NAALADL2: variants seen among roughly 807,000 people sequenced by gnomAD.
NAALADL2 encodes the protein inactive N-acetylated-alpha-linked acidic dipeptidase-like protein 2.
A neutral mutation model predicts 87.2 loss-of-function variants in NAALADL2; 76 were observed. The ratio of observed to expected loss-of-function variants is 0.87; its 90% CI spans 0.72 to 1.05. The LOEUF is 1.05. Among genes scored for constraint, NAALADL2 ranks in the 50% least tolerant of loss-of-function variants. The pLI, the probability that NAALADL2 is intolerant of heterozygous loss-of-function variation, is 0.00. For missense variants in NAALADL2, 1,089 were observed against 945.8 expected, an observed-to-expected ratio of 1.15 and a Z score of -1.99; for synonymous variants, 354 against 331.0, an observed-to-expected ratio of 1.07 and a Z score of -0.75.
chr3:175,796,447 G>A (rs975902130), intron 13 of NAALADL2, among the ~76,000 whole-genome samples: 9 of 152,154 alleles, frequency 5.9e-5, no homozygotes, highest in African/African-American at 2.2e-4. Context: ...TATCAACAAA[G>A]TCTTAATTCT....
At chr3:175,004,624 CAG>C (rs1162292604) in intron 1 of NAALADL2, among the ~76,000 whole-genome samples, 1 of 151,910 alleles carries the variant, frequency 6.6e-6, no homozygotes, top group Admixed American at 6.6e-5. Context: ...TATATGAATT[CAG>C]AGTCATGAAT....
intron 1 of NAALADL2, among the ~76,000 whole-genome samples, chr3:174,969,302 C>T (rs1420400131): frequency 6.6e-6 from 1 of 152,122 alleles, no homozygotes; most frequent in Non-Finnish European, 1.5e-5. Flanking sequence ...GCGTACTTTC[C>T]TGTTATACAG....
chr3:175,362,707 A>T (rs1007628835), intron 5 of NAALADL2, among the ~76,000 whole-genome samples: 4 of 147,912 alleles, frequency 2.7e-5, no homozygotes, highest in African/African-American at 9.8e-5. Flanking sequence ...CAGTGGTGGG[A>T]TTGTTGGATC....
At chr3:174,661,140 A>G (rs1008651159) in intron 2 of NAALADL2, among the ~76,000 whole-genome samples, 11 of 152,286 alleles carry the variant, frequency 7.2e-5, no homozygotes, top group Non-Finnish European at 1.6e-4. Context: ...TGTGATTGGA[A>G]TACGCCTGTA....
At chr3:175,526,370 G>A (rs915727266) in intron 9 of NAALADL2, among the ~76,000 whole-genome samples, 1 of 152,156 alleles carries the variant, frequency 6.6e-6, no homozygotes, top group African/African-American at 2.4e-5. Context: ...GGAATTTGCA[G>A]TCATTATTCC....
intron 2 of NAALADL2, among the ~76,000 whole-genome samples, chr3:174,669,264 G>T (rs562343542): frequency 1.4e-4 from 7 of 50,900 alleles, no homozygotes; most frequent in South Asian, 9.6e-4. Context: ...TTTTGATGGG[G>T]TTTTTTTTTC....
At chr3:174,699,167 T>C (rs1262722904) in intron 2 of NAALADL2, among the ~76,000 whole-genome samples, 2 of 152,162 alleles carry the variant, frequency 1.3e-5, no homozygotes, top group Non-Finnish European at 2.9e-5. Flanking sequence ...GAGTAATTTC[T>C]TTATCATCCA....
chr3:175,275,422 T>C lies in NAALADL2; in HGVS notation c.939+18892T>C, dbSNP rs544225284. ...CTTACATATTTTCAGAAAACTAAAA[T>C]CTCACATGGCCTTTTCATTTATACA... On this transcript the variant is annotated intron_variant, in intron 4 of 13. Coordinates refer to ENST00000454872, the MANE Select transcript of NAALADL2 (RefSeq NM_207015.3). 1.8e-3 allele frequency among the ~76,000 whole-genome samples: 281 copies of C among 152,144 alleles called. 1 individual carries two copies. The highest frequency in any genetic ancestry group is 3.1e-3 in the Non-Finnish European group (214 of 68,010).
At chr3:174,916,875 A>T (rs1312550144) in intron 1 of NAALADL2, among the ~76,000 whole-genome samples, 1 of 152,112 alleles carries the variant, frequency 6.6e-6, no homozygotes, top group African/African-American at 2.4e-5. Context: ...TAAAAAATTA[A>T]ATTACTTAAA....
chr3:175,636,901 G>A (rs1256016809), intron 11 of NAALADL2, among the ~76,000 whole-genome samples: 2 of 151,974 alleles, frequency 1.3e-5, no homozygotes, highest in Non-Finnish European at 2.9e-5. Flanking sequence ...GTCATTTAAG[G>A]GTTAATATTC....
chr3:175,109,200 GA>G (rs1414752277), intron 2 of NAALADL2, among the ~76,000 whole-genome samples: 3 of 151,940 alleles, frequency 2.0e-5, no homozygotes, highest in Non-Finnish European at 4.4e-5. Context: ...TGTTATGGGG[GA>G]AAGTAGACAC....
chr3:175,022,512 A>G (rs966826072), intron 1 of NAALADL2, among the ~76,000 whole-genome samples: 4 of 152,068 alleles, frequency 2.6e-5, no homozygotes, highest in African/African-American at 9.7e-5. Flanking sequence ...TTCCAAGTCC[A>G]TAATATTTAG....
rs868168622 is a variant in NAALADL2, at chr3:174,510,773, C to T, written c.-183-39796C>T. ...CAATTTTTTTACTTTTTTTTAACTT[C>T]CTTAAGGTGGAAGCTTAAGCAAGAT... On this transcript the variant is annotated intron_variant, in intron 1 of 3. Coordinates refer to the NAALADL2 transcript ENST00000434257. 8.6e-5 allele frequency among the ~76,000 whole-genome samples: 13 copies of T among 150,846 alleles called. No individual in the cohort carries two copies. In the Middle Eastern group the frequency reaches 0.01, roughly 119 times the overall value.
chr3:175,260,318 G>C (rs1315003896), intron 4 of NAALADL2, among the ~76,000 whole-genome samples: 1 of 151,974 alleles, frequency 6.6e-6, no homozygotes, highest in Non-Finnish European at 1.5e-5. Flanking sequence ...CCACAAACTT[G>C]GCATTGTCTT....
intron 3 of NAALADL2, among the ~76,000 whole-genome samples, chr3:174,750,725 C>G (rs547060338): frequency 6.6e-6 from 1 of 152,264 alleles, no homozygotes; most frequent in South Asian, 2.1e-4. Flanking sequence ...TGAGCCACCG[C>G]ACCCGGCCTA....
chr3:175,569,574 A>G (rs1313871903), intron 9 of NAALADL2, among the ~76,000 whole-genome samples: 1 of 152,118 alleles, frequency 6.6e-6, no homozygotes, highest in Non-Finnish European at 1.5e-5. Context: ...ATGGAGCCCT[A>G]GTGAATGAAA....
intron 4 of NAALADL2, among the ~76,000 whole-genome samples, chr3:175,295,349 G>A (rs1368216006): frequency 1.3e-5 from 2 of 152,054 alleles, no homozygotes; most frequent in African/African-American, 4.8e-5. Flanking sequence ...AAACACCTTA[G>A]CTCAACCTGG....
At chr3:174,726,246 C>T (rs1439818239) in intron 2 of NAALADL2, among the ~76,000 whole-genome samples, 16 of 152,020 alleles carry the variant, frequency 1.1e-4, no homozygotes, top group Non-Finnish European at 1.0e-4. Context: ...TTAATAAAAG[C>T]GCTATGATGA....
At chr3:175,713,385 A>T (rs981943279) in intron 11 of NAALADL2, among the ~76,000 whole-genome samples, 1 of 152,134 alleles carries the variant, frequency 6.6e-6, no homozygotes, top group Non-Finnish European at 1.5e-5. Flanking sequence ...TATTCATGAC[A>T]GTCTGTGGTG....
Sources: allele counts gnomAD v4.1 joint callset (sites outside exome capture counted in the v4.1 genomes callset), GRCh38; gene constraint gnomAD v4.1.1; transcripts MANE v1.5; gene names NCBI Gene and HGNC (gene_info 2026-07-23, HGNC 2026-07-21).